The following SLC38A4 variants were observed in gnomAD, a reference collection of about 807,000 sequenced individuals.
SLC38A4 encodes the protein sodium-coupled neutral amino acid transporter 4.
A neutral mutation model predicts 63.1 loss-of-function variants in SLC38A4; 20 were observed. The ratio of observed to expected loss-of-function variants is 0.32; its 90% confidence interval spans 0.22 to 0.46. The LOEUF (loss-of-function observed/expected upper bound fraction) is 0.46, where lower values mean the gene tolerates loss of function less well. SLC38A4 is among the 20% of genes least tolerant of loss of function. The pLI, the probability that SLC38A4 is intolerant of heterozygous loss-of-function variation, is 1.00. For missense variants in SLC38A4, 526 were observed against 663.6 expected (o/e 0.79, Z 2.28); for synonymous variants, 230 against 225.5 (o/e 1.02, Z -0.18).
At chr12:46,802,003 C>A (rs1939140543) in intron 2 of SLC38A4, among the ~76,000 whole-genome samples, 1 of 151,974 alleles carries the variant, frequency 6.6e-6, no homozygotes, top group African/African-American at 2.4e-5. Flanking sequence ...CTAGGAAGAA[C>A]TAGAAAAGTT....
intron 7 of SLC38A4, among the ~76,000 whole-genome samples, chr12:46,782,149 C>G (rs1938656348): frequency 6.6e-6 from 1 of 151,988 alleles, no homozygotes; most frequent in South Asian, 2.1e-4. Context: ...TATCCATTAT[C>G]AGGGTGAGTA....
At chr12:46,817,004 C>T (rs1267633005) in intron 1 of SLC38A4, among the ~76,000 whole-genome samples, 3 of 151,354 alleles carry the variant, frequency 2.0e-5, no homozygotes, top group Admixed American at 6.6e-5. Flanking sequence ...AGTCCATGAC[C>T]GGAAAATTTC....
Position 46,776,940 on chromosome 12 carries a change from G to T in SLC38A4, c.1138C>A (p.Leu380Met), listed in dbSNP as rs1298273867. 1.2e-6 allele frequency: 2 copies of T among 1,612,052 alleles called. No individual in the cohort carries two copies. Among genetic ancestry groups the T allele is most frequent in the Non-Finnish European group, 1.7e-6 (2 of 1,178,716 alleles). The change falls in exon 13 of 17, where the codon CTG becomes ATG. Residue 380 changes from leucine (L) to methionine (M), a missense_variant. Coordinates refer to ENST00000266579, the MANE Select transcript of SLC38A4 (RefSeq NM_018018.5). ...ISITGMLVMY[L>M]LAALFGYLTF... ...AGGTAACCAAAGAGGGCGGCAAGCA[G>T]GTACATGACAAGCATCCCCGTGATG...
chr12:46,774,951 G>A lies in SLC38A4; in HGVS notation c.1299+98C>T. Reference sequence around the variant, plus strand: ...AATAATATCCTCAGGCATTGCAATTGCAAACTCACCCTATAATTAAATCAA... The same window carrying A: ...AATAATATCCTCAGGCATTGCAATTACAAACTCACCCTATAATTAAATCAA... On this transcript the variant is annotated intron_variant, in intron 14 of 16. Coordinates refer to ENST00000266579, the MANE Select transcript of SLC38A4 (RefSeq NM_018018.5). 2.2e-6 allele frequency: 3 copies of A among 1,391,940 alleles called. No individual in the cohort carries two copies. In the African/African-American group the frequency reaches 4.4e-5, roughly 20 times the overall value. The allele number at this position is 1,391,940 out of a possible 1,614,324, so 86.2% of individuals were successfully genotyped here.
intron 1 of SLC38A4, among the ~76,000 whole-genome samples, chr12:46,831,784 G>A (rs890650849): frequency 6.6e-6 from 1 of 152,206 alleles, no homozygotes; most frequent in Non-Finnish European, 1.5e-5. Flanking sequence ...CAGGGACTCG[G>A]GTAACACCTT....
chr12:46,831,823 C>T (rs938228524), intron 1 of SLC38A4, among the ~76,000 whole-genome samples: 1 of 149,084 alleles, frequency 6.7e-6, no homozygotes, highest in Non-Finnish European at 1.5e-5. Context: ...GGTCGCGGAG[C>T]CAGCTCCCGC....
rs1341900283 is a variant in SLC38A4, at chr12:46,778,561, T to C, written c.933A>G (p.Val311=). ...TGTCATCACTATGAGCTTCATATTC[T>C]ACTCCACTGTCATGAAGAGAGCCCT... ...QAKGSLHDSG[V]EYEAHSDDKC... The change falls in exon 11 of 17, where the codon GTA becomes GTG. Residue 311 remains valine, a synonymous_variant. Transcript: ENST00000266579. 1.2e-6 allele frequency: 2 copies of C among 1,613,042 alleles called. No individual in the cohort carries two copies. Among genetic ancestry groups the C allele is most frequent in the East Asian group, 4.5e-5 (2 of 44,806 alleles).
At chr12:46,818,800 A>G (rs1939487876) in intron 1 of SLC38A4, among the ~76,000 whole-genome samples, 1 of 151,962 alleles carries the variant, frequency 6.6e-6, no homozygotes, top group South Asian at 2.1e-4. Context: ...CTTAGTGTTT[A>G]CTGGTTATAT....
chr12:46,831,899 A>G (rs1446287620), intron 1 of SLC38A4, among the ~76,000 whole-genome samples: 1 of 151,554 alleles, frequency 6.6e-6, no homozygotes, highest in Non-Finnish European at 1.5e-5. Context: ...AATACAACCA[A>G]CTCGAAATCC....
At position 46,785,194 on chromosome 12, in the gene SLC38A4, G is replaced by A; in HGVS notation, c.327-17C>T. ...AGCATGATTCTGCAAAGGGAAGAGA[G>A]AGTAGGTAATAAAGTTTCTACAATA... On this transcript the variant is annotated splice_polypyrimidine_tract_variant and intron_variant, in intron 5 of 16. Coordinates refer to ENST00000266579, the MANE Select transcript of SLC38A4 (RefSeq NM_018018.5). 3 of 1,586,420 alleles carry A rather than the reference G, an allele frequency of 1.9e-6. No homozygotes were observed. The highest frequency in any genetic ancestry group is 2.6e-6 in the Non-Finnish European group (3 of 1,155,912).
At chr12:46,829,136 G>C (rs747866260), upstream of SLC38A4, among the ~76,000 whole-genome samples, 2 of 152,152 alleles carry the variant, frequency 1.3e-5, no homozygotes, top group Non-Finnish European at 2.9e-5. Context: ...CTGTAAAACA[G>C]AGATAACAAA....
At chr12:46,826,949 T>G (rs1939665697), upstream of SLC38A4, among the ~76,000 whole-genome samples, 1 of 152,252 alleles carries the variant, frequency 6.6e-6, no homozygotes, top group Non-Finnish European at 1.5e-5. Context: ...AAACATGTTT[T>G]CTTTCTTCCT....
chr12:46,784,915 C>G (rs959123277), intron 6 of SLC38A4, among the ~76,000 whole-genome samples, 189 bp downstream of exon 6: 35 of 152,182 alleles, frequency 2.3e-4, no homozygotes, highest in African/African-American at 8.2e-4. Context: ...TGAACCTGAG[C>G]CAGTTGACTT....
intron 14 of SLC38A4, among the ~76,000 whole-genome samples, chr12:46,772,348 A>G (rs1938436690): frequency 6.6e-6 from 1 of 152,114 alleles, no homozygotes; most frequent in Admixed American, 6.6e-5. Flanking sequence ...TAATTATAAG[A>G]TGAAATACAA....
intron 3 of SLC38A4, among the ~76,000 whole-genome samples, chr12:46,791,115 G>A (rs1592184731): frequency 1.3e-5 from 2 of 152,252 alleles, no homozygotes; most frequent in East Asian, 1.9e-4. Flanking sequence ...TGTCAACCTC[G>A]GCAGAGCTCA....
chr12:46,793,105 G>A lies in SLC38A4; in HGVS notation c.-34C>T, dbSNP rs200097510. On this transcript the variant is annotated 5_prime_UTR_variant, in exon 3 of 17. Coordinates refer to ENST00000266579, the MANE Select transcript of SLC38A4 (RefSeq NM_018018.5). Reference sequence around the variant, plus strand: ...TCAGCGCTTTCTTGTCCACACACAAGCCCCTTCAGTGTAAATAATATACTG... The same window carrying A: ...TCAGCGCTTTCTTGTCCACACACAAACCCCTTCAGTGTAAATAATATACTG... The A allele has an allele frequency of 7.4e-5, 110 of 1,477,536 alleles. No homozygotes were observed. Among genetic ancestry groups the A allele is most frequent in the Non-Finnish European group, 1.0e-4 (110 of 1,057,262 alleles). 91.5% of individuals were successfully genotyped at this position (1,477,536 alleles called of 1,614,324 possible). A position where few individuals can be genotyped will look rare whatever the true frequency, so the allele number is the denominator to read the frequency against.
At position 46,788,592 on chromosome 12, in the gene SLC38A4, C is replaced by T; in HGVS notation, c.146G>A (p.Ser49Asn). Residue 49 changes from serine to asparagine, a missense_variant, in exon 4 of 17, where the codon AGT becomes AAT. Coordinates refer to ENST00000266579, the MANE Select transcript of SLC38A4 (RefSeq NM_018018.5). ...SSQFANEDTE[S>N]QKFLTNGFLG... ...AAATCCATTTGTCAGGAATTTCTGA[C>T]TTTCAGTGTCTTCATTAGCAAATTG... is the stretch of plus-strand genomic sequence containing the variant. 1.2e-6 allele frequency: 2 copies of T among 1,613,626 alleles called. No homozygotes were observed. Among genetic ancestry groups the T allele is most frequent in the Non-Finnish European group, 1.7e-6 (2 of 1,179,842 alleles).
chr12:46,788,742 CT>C (rs1938818610), intron 3 of SLC38A4, 124 bp from the exon 4 acceptor site: 1 of 798,888 alleles, frequency 1.3e-6, no homozygotes, highest in Admixed American at 2.4e-5. Flanking sequence ...CCCCAATTTT[CT>C]TTTCCTCCTT....
intron 2 of SLC38A4, among the ~76,000 whole-genome samples, chr12:46,799,351 C>T (rs1450284540): frequency 6.6e-6 from 1 of 152,012 alleles, no homozygotes; most frequent in African/African-American, 2.4e-5. Flanking sequence ...CCTGTAATCC[C>T]AGAGCTTTGG....
Sources: allele counts gnomAD v4.1 joint callset (sites outside exome capture counted in the v4.1 genomes callset), GRCh38; gene constraint gnomAD v4.1.1; transcripts MANE v1.5; gene names NCBI Gene and HGNC (gene_info 2026-07-23, HGNC 2026-07-21).